The following SNTG1 variants were observed in gnomAD, a reference collection of about 807,000 sequenced individuals.
SNTG1 encodes the protein syntrophin gamma 1, also known as gamma-1-syntrophin.
SNTG1 carries 39 observed loss-of-function variants against 74.7 expected under a neutral mutation model. That is an observed-to-expected ratio of 0.52 (90% CI 0.40 to 0.68). The LOEUF (loss-of-function observed/expected upper bound fraction) is 0.68, where lower values mean the gene tolerates loss of function less well. SNTG1 is among the 30% of genes least tolerant of loss of function. The pLI is 0.00. For missense variants in SNTG1, 685 were observed against 609.5 expected, an observed-to-expected ratio of 1.12 and a Z score of -1.30; for synonymous variants, 254 against 217.1, an observed-to-expected ratio of 1.17 and a Z score of -1.49.
At chr8:50,493,706 A>C (rs2093878739) in intron 8 of SNTG1, among the ~76,000 whole-genome samples, 2 of 151,326 alleles carry the variant, frequency 1.3e-5, no homozygotes, top group African/African-American at 2.4e-5. Context: ...ATTTTTAAAA[A>C]AGATTTTGTA....
chr8:50,232,281 A>G (rs894203911), intron 2 of SNTG1, among the ~76,000 whole-genome samples: 6 of 151,456 alleles, frequency 4.0e-5, no homozygotes, highest in African/African-American at 1.4e-4. Flanking sequence ...CCAGGCAAGC[A>G]GGCTGTTTCA....
chr8:50,582,871 G>C (rs2094620152), intron 12 of SNTG1, among the ~76,000 whole-genome samples: 1 of 151,966 alleles, frequency 6.6e-6, no homozygotes, highest in South Asian at 2.1e-4. Flanking sequence ...TTAAAAGATA[G>C]AAAAATACAG....
intron 1 of SNTG1, among the ~76,000 whole-genome samples, chr8:50,162,975 C>G (rs1488112368): frequency 6.6e-6 from 1 of 152,164 alleles, no homozygotes; most frequent in Non-Finnish European, 1.5e-5. Context: ...TGGCTCAGGG[C>G]AAACAGAAGG....
intron 2 of SNTG1, among the ~76,000 whole-genome samples, chr8:50,216,333 T>TG (rs2084791319): frequency 6.6e-6 from 1 of 152,210 alleles, no homozygotes; most frequent in Admixed American, 6.6e-5. Context: ...CATGTTGTCT[T>TG]TTACTCAACT....
chr8:50,460,005 G>A (rs2093545396), intron 8 of SNTG1, among the ~76,000 whole-genome samples: 1 of 152,140 alleles, frequency 6.6e-6, no homozygotes, highest in Non-Finnish European at 1.5e-5. Context: ...AAAATGATTT[G>A]TTTTATTTTG....
At chr8:49,953,020 AC>A (rs1448259801) in intron 1 of SNTG1, among the ~76,000 whole-genome samples, 1 of 152,232 alleles carries the variant, frequency 6.6e-6, no homozygotes, top group Admixed American at 6.5e-5. Flanking sequence ...ATAGGTAGAT[AC>A]ATGAGTATAG....
rs1563489636 is a variant in SNTG1, at chr8:50,025,972, G to C, written c.-103+113741G>C. Among the ~76,000 whole-genome samples, 3 of 152,198 alleles carry C rather than the reference G, an allele frequency of 2.0e-5. No individual in the cohort carries two copies. In the South Asian group the frequency reaches 6.2e-4, roughly 32 times the overall value. ...AATCCTCCCTGGAGCTCTGTATTTA[G>C]GTCTGTGGCCCAGATTTTCTTAAAC... On this transcript the variant is annotated intron_variant, in intron 1 of 18. Coordinates refer to ENST00000642720, the MANE Select transcript of SNTG1 (RefSeq NM_018967.5).
intron 15 of SNTG1, among the ~76,000 whole-genome samples, chr8:50,683,887 G>T (rs182526175): frequency 6.6e-6 from 1 of 152,226 alleles, no homozygotes; most frequent in East Asian, 1.9e-4. Flanking sequence ...GGATATAAAA[G>T]GTTACTTTTC....
At chr8:50,390,808 A>T (rs965759420) in intron 2 of SNTG1, among the ~76,000 whole-genome samples, 1 of 152,072 alleles carries the variant, frequency 6.6e-6, no homozygotes, top group African/African-American at 2.4e-5. Context: ...TTGGATTCCT[A>T]GGTATTTTAT....
intron 2 of SNTG1, among the ~76,000 whole-genome samples, chr8:50,262,496 C>T (rs1010182064): frequency 2.0e-5 from 3 of 152,094 alleles, no homozygotes; most frequent in Non-Finnish European, 4.4e-5. Flanking sequence ...CTGCAGGCTC[C>T]GCCTCCTGGG....
chr8:50,032,804 G>A (rs1183318716), intron 1 of SNTG1, among the ~76,000 whole-genome samples: 1 of 151,922 alleles, frequency 6.6e-6, no homozygotes, highest in African/African-American at 2.4e-5. Context: ...TTTTTTTCAT[G>A]TTGCTCACCT....
chr8:50,271,260 A>G (rs2087764032), intron 2 of SNTG1, among the ~76,000 whole-genome samples: 1 of 152,198 alleles, frequency 6.6e-6, no homozygotes, highest in South Asian at 2.1e-4. Flanking sequence ...AATTTCGTGT[A>G]AGAATAATGA....
Position 50,796,681 on chromosome 8 carries a change from C to G in SNTG1, c.*3852C>G, listed in dbSNP as rs745829610. ...GCATACTGGAAAATAAAAACAAATA[C>G]TTTTTACTAGATTTGGGTTTTCATT... On this transcript the variant is annotated 3_prime_UTR_variant, in exon 19 of 19. Transcript: ENST00000642720. 4.6e-5 allele frequency: 7 copies of G among 151,776 alleles called. No individual in the cohort carries two copies. The highest frequency in any genetic ancestry group is 8.8e-5 in the Non-Finnish European group (6 of 67,898). The allele number at this position is 151,776 out of a possible 1,614,324, so 9.4% of individuals were successfully genotyped here.
intron 4 of SNTG1, among the ~76,000 whole-genome samples, chr8:50,433,354 G>A (rs747096488): frequency 2.8e-4 from 42 of 152,008 alleles, no homozygotes; most frequent in Non-Finnish European, 3.5e-4. Context: ...TCATCACTGC[G>A]CTAGCTAGAA....
chr8:50,110,639 C>T (rs1046337490), intron 1 of SNTG1, among the ~76,000 whole-genome samples: 2 of 152,144 alleles, frequency 1.3e-5, no homozygotes, highest in Admixed American at 6.6e-5. Flanking sequence ...AGCTTTTTGT[C>T]CTTTAAATCC....
At chr8:50,084,231 G>A (rs1319552637) in intron 1 of SNTG1, among the ~76,000 whole-genome samples, 1 of 152,166 alleles carries the variant, frequency 6.6e-6, no homozygotes, top group Non-Finnish European at 1.5e-5. Context: ...GGAAGCCGAG[G>A]CAGGAAGATC....
At chr8:50,195,866 G>T (rs947940347) in intron 2 of SNTG1, among the ~76,000 whole-genome samples, 18 of 152,236 alleles carry the variant, frequency 1.2e-4, no homozygotes, top group Middle Eastern at 6.8e-3. Flanking sequence ...CTTGCAGTCG[G>T]CCTGGAGCTA....
At chr8:50,682,546 G>C (rs1028289204) in intron 15 of SNTG1, among the ~76,000 whole-genome samples, 1 of 152,120 alleles carries the variant, frequency 6.6e-6, no homozygotes, top group Non-Finnish European at 1.5e-5. Flanking sequence ...GAATAAGAGA[G>C]CTGAACATAC....
intron 1 of SNTG1, among the ~76,000 whole-genome samples, chr8:50,034,143 A>G (rs1817958419): frequency 6.6e-6 from 1 of 152,206 alleles, no homozygotes; most frequent in African/African-American, 2.4e-5. Context: ...CATTTCTCTC[A>G]GGATCTGGAC....
Sources: gnomAD v4.1 joint callset for allele counts (sites outside exome capture counted in the v4.1 genomes callset) on GRCh38, gnomAD v4.1.1 for gene constraint, MANE v1.5 for transcripts, NCBI Gene and HGNC (gene_info 2026-07-23, HGNC 2026-07-21) for gene names.